The following SLC4A7 variants were observed in gnomAD, a reference collection of about 807,000 sequenced individuals.
SLC4A7 encodes the protein sodium bicarbonate cotransporter 3.
A neutral mutation model predicts 137.6 loss-of-function variants in SLC4A7; 51 were observed. That is an observed-to-expected ratio of 0.37 (90% CI 0.30 to 0.47). The LOEUF (loss-of-function observed/expected upper bound fraction) is 0.47, where lower values mean the gene tolerates loss of function less well. Ranked by LOEUF, SLC4A7 falls within the 20% of genes least tolerant of loss-of-function variation. SLC4A7 has a pLI of 1.00. For missense variants in SLC4A7, 1,247 were observed against 1,525.4 expected (o/e 0.82, Z 3.04); for synonymous variants, 542 against 518.6 (o/e 1.05, Z -0.61).
At chr3:27,425,934 G>A (rs982230943) in intron 7 of SLC4A7, among the ~76,000 whole-genome samples, 2 of 152,060 alleles carry the variant, frequency 1.3e-5, no homozygotes, top group East Asian at 1.9e-4. Flanking sequence ...GCAACACATG[G>A]AAGTTCAGTT....
At position 27,376,704 on chromosome 3, in the gene SLC4A7, C is replaced by T. The variant is rs926466371; in HGVS notation, c.*60G>A. ...CATACAATATTCTTATATATAGTGACATGATACGCACACATTACATATGTA... is the reference window on the plus strand; with the variant it reads ...CATACAATATTCTTATATATAGTGATATGATACGCACACATTACATATGTA... On this transcript the variant is annotated 3_prime_UTR_variant, in exon 26 of 26. Coordinates refer to ENST00000454389, the MANE Select transcript of SLC4A7 (RefSeq NM_001321103.2). 1.0e-6 allele frequency: 1 copy of T among 995,822 alleles called. No homozygotes were observed. The highest frequency in any genetic ancestry group is 1.6e-5 in the African/African-American group (1 of 61,678). The allele number at this position is 995,822 out of a possible 1,614,324, so 61.7% of individuals were successfully genotyped here. A position where few individuals can be genotyped will look rare whatever the true frequency, so the allele number is the denominator to read the frequency against.
At chr3:27,475,895 A>C (rs752099163) in intron 1 of SLC4A7, among the ~76,000 whole-genome samples, 2 of 152,244 alleles carry the variant, frequency 1.3e-5, no homozygotes, top group Non-Finnish European at 2.9e-5. Flanking sequence ...TTGGCAAGCT[A>C]GGGTGGCAGA....
At chr3:27,389,374 T>C (rs539622670) in intron 22 of SLC4A7, among the ~76,000 whole-genome samples, 1 of 152,258 alleles carries the variant, frequency 6.6e-6, no homozygotes, top group South Asian at 2.1e-4. Flanking sequence ...ACTACTTGAG[T>C]AATTTTTATA....
Position 27,431,276 on chromosome 3 carries a change from A to G in SLC4A7, c.1150+22T>C, listed in dbSNP as rs150584550. The G allele has an allele frequency of 5.1e-4, 789 of 1,549,500 alleles. 2 individuals carry two copies. In the African/African-American group the frequency reaches 9.7e-3, roughly 19 times the overall value. The stretch of plus-strand genomic sequence containing the variant: ...GACTCAGAGGCAGAAAGCACCACAC[A>G]TGGAGGATTTTGGATAGTTGCCTGG... On this transcript the variant is annotated intron_variant, in intron 7 of 25. Transcript: ENST00000454389.
Position 27,376,390 on chromosome 3 carries a change from AG to A in SLC4A7, c.*373del, listed in dbSNP as rs1196449775. 6.4e-6 allele frequency: 1 copy of A among 155,056 alleles called. No homozygotes were observed. The highest frequency in any genetic ancestry group is 1.4e-5 in the Non-Finnish European group (1 of 70,038). 9.6% of individuals were successfully genotyped at this position (155,056 alleles called of 1,614,324 possible). On this transcript the variant is annotated 3_prime_UTR_variant, in exon 26 of 26. Transcript: ENST00000454389. ...AAGTGAAATAATATGTGAAAATTTCAGGAAACACCTAAAAATTATAAACATA... is the reference window on the plus strand; with the variant it reads ...AAGTGAAATAATATGTGAAAATTTCAGAAACACCTAAAAATTATAAACATA...
intron 1 of SLC4A7, among the ~76,000 whole-genome samples, chr3:27,467,445 A>T (rs1167427297): frequency 1.3e-5 from 2 of 152,250 alleles, no homozygotes; most frequent in Admixed American, 6.5e-5. Flanking sequence ...AGCTAATTAA[A>T]TTGAAATCGC....
At chr3:27,408,664 G>A (rs1259083252) in intron 13 of SLC4A7, among the ~76,000 whole-genome samples, 1 of 152,078 alleles carries the variant, frequency 6.6e-6, no homozygotes, top group East Asian at 1.9e-4. Context: ...CCATTAAAAT[G>A]CATATCAACA....
chr3:27,436,625 T>A, intron 4 of SLC4A7, 77 bp from the exon 5 acceptor site: 1 of 920,142 alleles, frequency 1.1e-6, no homozygotes, highest in Non-Finnish European at 1.5e-6. Flanking sequence ...TAAAGAAACA[T>A]TTGTTCTTTA....
rs1458763189 is a variant in SLC4A7 at position 27,405,422 on chromosome 3, G to A, written c.1942-459C>T. 5.3e-5 allele frequency among the ~76,000 whole-genome samples: 8 copies of A among 152,158 alleles called. No individual in the cohort carries two copies. The South Asian group carries it at 6.2e-4, about 12-fold the overall frequency. ...ACTCAACCTGTGCTGTGGGATGAAA[G>A]GAGCAAAGAGTAAATGGGAGAGACA... On this transcript the variant is annotated intron_variant, in intron 13 of 25. Coordinates refer to ENST00000454389, the MANE Select transcript of SLC4A7 (RefSeq NM_001321103.2).
intron 1 of SLC4A7, among the ~76,000 whole-genome samples, chr3:27,468,401 T>C (rs149497516): frequency 3.3e-4 from 50 of 152,278 alleles, no homozygotes; most frequent in African/African-American, 1.1e-3. Flanking sequence ...AACCAATTTA[T>C]TTTGGCTGAA....
chr3:27,452,060 T>C (rs542794322), intron 2 of SLC4A7, among the ~76,000 whole-genome samples: 6 of 152,250 alleles, frequency 3.9e-5, no homozygotes, highest in African/African-American at 1.4e-4. Context: ...AAATGAATGT[T>C]GAGATGACAA....
chr3:27,427,946 C>T (rs1485058233), intron 7 of SLC4A7, among the ~76,000 whole-genome samples: 1 of 152,126 alleles, frequency 6.6e-6, no homozygotes, highest in East Asian at 1.9e-4. Context: ...GAACCCATCT[C>T]CCCCTTCTTT....
chr3:27,430,345 G>A (rs887635624), intron 7 of SLC4A7, among the ~76,000 whole-genome samples: 5 of 151,630 alleles, frequency 3.3e-5, no homozygotes, highest in Admixed American at 6.6e-5. Flanking sequence ...AAGGCAAGAC[G>A]CAATCAATGG....
intron 18 of SLC4A7, among the ~76,000 whole-genome samples, chr3:27,396,357 A>G (rs757225376): frequency 1.3e-4 from 20 of 152,192 alleles, no homozygotes; most frequent in Non-Finnish European, 2.6e-4. Context: ...CCTGAAAGCC[A>G]TATCAGTAAA....
chr3:27,398,394 T>TA (rs770378446), intron 16 of SLC4A7, 41 bp from the exon 17 acceptor site: 42 of 1,531,636 alleles, frequency 2.7e-5, no homozygotes, highest in Non-Finnish European at 3.5e-5. Flanking sequence ...GGGGGATTCT[T>TA]ACGTATTCAA....
At chr3:27,437,995 G>A (rs1458673295) in intron 3 of SLC4A7, among the ~76,000 whole-genome samples, 3 of 152,132 alleles carry the variant, frequency 2.0e-5, no homozygotes, top group African/African-American at 7.2e-5. Context: ...TCAGGAGCTC[G>A]AGACCAGCCT....
chr3:27,467,861 T>TTTAAG (rs2059074020), intron 1 of SLC4A7, among the ~76,000 whole-genome samples: 3 of 152,244 alleles, frequency 2.0e-5, no homozygotes, highest in Admixed American at 1.3e-4. Context: ...AAAACTTCTC[T>TTTAAG]AGCAGTTGCT....
At position 27,403,470 on chromosome 3, in the gene SLC4A7, A is replaced by G. The variant is rs1019727334; in HGVS notation, c.2076-86T>C. On this transcript the variant is annotated intron_variant, in intron 14 of 25. Transcript: ENST00000454389. ...ATTTTTCATTGCAAGCAATGGGAAC[A>G]GCAAGAAAACACGATTCCTAAAAGA... 9.7e-6 allele frequency: 8 copies of G among 822,644 alleles called. No homozygotes were observed. In the African/African-American group the frequency reaches 1.4e-4, roughly 14 times the overall value. 51.0% of individuals were successfully genotyped at this position (822,644 alleles called of 1,614,324 possible). A position where few individuals can be genotyped will look rare whatever the true frequency, so the allele number is the denominator to read the frequency against.
chr3:27,387,694 T>C (rs1424198615), intron 22 of SLC4A7, among the ~76,000 whole-genome samples: 1 of 152,202 alleles, frequency 6.6e-6, no homozygotes, highest in Non-Finnish European at 1.5e-5. Context: ...TAACCTCCAG[T>C]ACCTCAGAAT....
Sources: allele counts gnomAD v4.1 joint callset (sites outside exome capture counted in the v4.1 genomes callset), GRCh38; gene constraint gnomAD v4.1.1; transcripts MANE v1.5; gene names NCBI Gene and HGNC (gene_info 2026-07-23, HGNC 2026-07-21).